Variants in XPO4 observed in about 807,000 individuals in gnomAD.
XPO4 encodes exportin 4.
XPO4 carries 39 observed loss-of-function variants against 143.0 expected under a neutral mutation model. The observed-to-expected ratio is 0.27, with a 90% CI of 0.21 to 0.36. The LOEUF (loss-of-function observed/expected upper bound fraction) is 0.36, where lower values mean the gene tolerates loss of function less well. Ranked by LOEUF, XPO4 falls within the 10% of genes least tolerant of loss-of-function variation. XPO4 has a pLI of 1.00. For missense variants in XPO4, 907 were observed against 1,348.0 expected, an observed-to-expected ratio of 0.67 and a Z score of 5.12; for synonymous variants, 439 against 474.0, an observed-to-expected ratio of 0.93 and a Z score of 0.96.
At chr13:20,838,336 G>T (rs750418939) in intron 6 of XPO4, among the ~76,000 whole-genome samples, 11 of 151,832 alleles carry the variant, frequency 7.2e-5, no homozygotes, top group Non-Finnish European at 1.5e-4. Flanking sequence ...GGGGCTGGGC[G>T]CAGTGGCTCA....
At chr13:20,812,706 T>G (rs1303346643) in intron 9 of XPO4, among the ~76,000 whole-genome samples, 1 of 152,204 alleles carries the variant, frequency 6.6e-6, no homozygotes, top group Non-Finnish European at 1.5e-5. Flanking sequence ...ACTAATAATA[T>G]GCCAAAGTTA....
chr13:20,804,950 T>G (rs937604774), intron 13 of XPO4, among the ~76,000 whole-genome samples: 36 of 132,124 alleles, frequency 2.7e-4, no homozygotes, highest in Admixed American at 2.7e-3. Context: ...TTTTGCATTT[T>G]GTTTTTTTTT....
intron 5 of XPO4, 121 bp from the exon 6 acceptor site, chr13:20,843,169 G>T: frequency 9.9e-7 from 1 of 1,005,972 alleles, no homozygotes; most frequent in Non-Finnish European, 1.4e-6. Flanking sequence ...ATTTCCTTAA[G>T]AACGTGTTCC....
chr13:20,887,495 T>G (rs1407297683), intron 1 of XPO4, among the ~76,000 whole-genome samples: 1 of 152,152 alleles, frequency 6.6e-6, no homozygotes, highest in Non-Finnish European at 1.5e-5. Flanking sequence ...AAAATAATAA[T>G]GACGATAATA....
intron 18 of XPO4, among the ~76,000 whole-genome samples, chr13:20,791,111 TTATA>T (rs201979268): frequency 6.6e-6 from 1 of 151,072 alleles, no homozygotes; most frequent in Admixed American, 6.6e-5. Flanking sequence ...TACATATGAA[TTATA>T]TATATATATA....
intron 22 of XPO4, 49 bp from the exon 23 acceptor site, chr13:20,783,968 C>T (rs774565519): frequency 2.6e-5 from 41 of 1,573,588 alleles, no homozygotes; most frequent in Non-Finnish European, 3.2e-5. Context: ...GAATATCATA[C>T]AAGTAGATCT....
At position 20,783,521 on chromosome 13, in the gene XPO4, T is replaced by C. The variant is rs548739802; in HGVS notation, c.*201A>G. The C allele has an allele frequency of 5.0e-6, 3 of 599,386 alleles. No homozygotes were observed. In the South Asian group the frequency reaches 6.1e-5, roughly 12 times the overall value. The allele number at this position is 599,386 out of a possible 1,614,324, so 37.1% of individuals were successfully genotyped here. Reference sequence around the variant, plus strand: ...ATCTAAAAGACATATATATGACAGATTGTGGCTAACACTTAACAGCAGAAG... The same window carrying C: ...ATCTAAAAGACATATATATGACAGACTGTGGCTAACACTTAACAGCAGAAG... On this transcript the variant is annotated 3_prime_UTR_variant, in exon 23 of 23. Coordinates refer to ENST00000255305, the MANE Select transcript of XPO4 (RefSeq NM_022459.5).
At chr13:20,802,807 G>T (rs911616165) in intron 13 of XPO4, among the ~76,000 whole-genome samples, 1 of 152,052 alleles carries the variant, frequency 6.6e-6, no homozygotes, top group Admixed American at 6.5e-5. Context: ...CATTTTCAAT[G>T]ACCATAAGAC....
intron 4 of XPO4, chr13:20,848,962 C>CA: frequency 2.0e-6 from 2 of 985,398 alleles, no homozygotes; most frequent in East Asian, 2.3e-4. Flanking sequence ...CTTATCTTCA[C>CA]ATTGAAAGTC....
chr13:20,816,935 A>C (rs2059657392), intron 9 of XPO4, among the ~76,000 whole-genome samples: 1 of 152,252 alleles, frequency 6.6e-6, no homozygotes, highest in Admixed American at 6.5e-5. Flanking sequence ...GCTTTAAAAA[A>C]TACTCATGGA....
intron 9 of XPO4, among the ~76,000 whole-genome samples, chr13:20,815,809 A>T (rs2059642334): frequency 6.6e-6 from 1 of 152,204 alleles, no homozygotes; most frequent in Non-Finnish European, 1.5e-5. Context: ...AACAGTTTGG[A>T]AGTGAAAACA....
In XPO4 at chr13:20,796,253, TGGACTG is replaced by T; in HGVS notation, c.2617-3_2619del. 1 of 1,567,066 alleles carries T rather than the reference TGGACTG, an allele frequency of 6.4e-7. No homozygotes were observed. The highest frequency in any genetic ancestry group is 1.9e-5 in the Admixed American group (1 of 53,056). ...CAGGCTTCATATAAGTTCATAGCTT[TGGACTG>T]AAAAAAAAAAAAATGCACAAATTAT... On this transcript the variant is annotated splice_acceptor_variant and splice_polypyrimidine_tract_variant and coding_sequence_variant and intron_variant, in exon 18 of 23. Transcript: ENST00000255305. LOFTEE classifies it high-confidence loss of function.
intron 1 of XPO4, 42 bp downstream of exon 1, chr13:20,902,628 G>C (rs1404726148): frequency 2.0e-6 from 3 of 1,519,346 alleles, no homozygotes; most frequent in Non-Finnish European, 2.6e-6. Flanking sequence ...GGCCGACCGG[G>C]GGCCCGCGAA....
intron 1 of XPO4, among the ~76,000 whole-genome samples, chr13:20,887,274 C>A (rs1296459199): frequency 6.6e-6 from 1 of 152,028 alleles, no homozygotes; most frequent in African/African-American, 2.4e-5. Context: ...ATACATCAAT[C>A]CTACTCATGA....
chr13:20,829,336 C>T (rs1372928806), intron 6 of XPO4, among the ~76,000 whole-genome samples: 2 of 151,924 alleles, frequency 1.3e-5, no homozygotes, highest in African/African-American at 2.4e-5. Flanking sequence ...TTTCAATATG[C>T]CAAATCTAAC....
chr13:20,819,320 C>T (rs1274222206), intron 9 of XPO4, among the ~76,000 whole-genome samples: 1 of 152,140 alleles, frequency 6.6e-6, no homozygotes, highest in Non-Finnish European at 1.5e-5. Flanking sequence ...ATGTTAACTC[C>T]CAAACTCATA....
intron 9 of XPO4, among the ~76,000 whole-genome samples, chr13:20,818,988 T>C (rs981621953): frequency 3.9e-5 from 6 of 152,060 alleles, no homozygotes; most frequent in African/African-American, 1.4e-4. Flanking sequence ...GCCCGGCTAA[T>C]TTTTTATATT....
intron 18 of XPO4, among the ~76,000 whole-genome samples, chr13:20,793,302 G>A (rs1374583187): frequency 2.6e-5 from 4 of 151,862 alleles, no homozygotes; most frequent in Non-Finnish European, 4.4e-5. Context: ...CTACATACTC[G>A]TTTTATTCTT....
At chr13:20,797,793 G>A (rs999228373) in intron 16 of XPO4, among the ~76,000 whole-genome samples, 2 of 152,144 alleles carry the variant, frequency 1.3e-5, no homozygotes, top group African/African-American at 4.8e-5. Context: ...GTTGTTATGG[G>A]TCAAACTGTG....
Sources: allele counts gnomAD v4.1 joint callset (sites outside exome capture counted in the v4.1 genomes callset), GRCh38; gene constraint gnomAD v4.1.1; transcripts MANE v1.5; gene names NCBI Gene and HGNC (gene_info 2026-07-23, HGNC 2026-07-21).